The following LY86 variants were observed in gnomAD, a reference collection of about 807,000 sequenced individuals.
LY86 encodes the protein MD-1, RP105-associated.
Under a neutral mutation model 17.3 loss-of-function variants are expected in LY86, and 20 were observed. The ratio of observed to expected loss-of-function variants is 1.15; its 90% CI spans 0.81 to 1.68. LY86 has a LOEUF of 1.68. LY86 is among the 40% of genes most tolerant of loss of function. LY86 has a pLI of 0.00. For missense variants in LY86, 200 were observed against 191.9 expected, an observed-to-expected ratio of 1.04 and a Z score of -0.25; for synonymous variants, 74 against 70.6, an observed-to-expected ratio of 1.05 and a Z score of -0.24.
intron 3 of LY86, among the ~76,000 whole-genome samples, chr6:6,627,703 C>T (rs887988736): frequency 2.6e-5 from 4 of 152,144 alleles, no homozygotes; most frequent in African/African-American, 7.2e-5. Context: ...ATTGAGCATT[C>T]GTACCAGGCC....
chr6:6,590,193 A>C (rs1760484094), intron 1 of LY86, among the ~76,000 whole-genome samples: 1 of 148,742 alleles, frequency 6.7e-6, no homozygotes, highest in African/African-American at 2.5e-5. Context: ...GTCCCCCCCC[A>C]GTCTGCTAGG....
chr6:6,608,049 A>G (rs1460459766), intron 1 of LY86, among the ~76,000 whole-genome samples: 1 of 152,258 alleles, frequency 6.6e-6, no homozygotes, highest in African/African-American at 2.4e-5. Flanking sequence ...ATATAGATCT[A>G]CAGTGAACAA....
chr6:6,588,960 G>GAC (rs35589645), intron 1 of LY86, 90 bp downstream of exon 1: 1 of 1,342,628 alleles, frequency 7.4e-7, no homozygotes, highest in African/African-American at 2.8e-5. Flanking sequence ...GTTGGGGTGG[G>GAC]AGGGGAGAGG....
At chr6:6,623,368 G>A (rs1453637465) in intron 1 of LY86, among the ~76,000 whole-genome samples, 1 of 152,214 alleles carries the variant, frequency 6.6e-6, no homozygotes. Context: ...CTCAGCTGAA[G>A]CTGGGAAGGT....
intron 1 of LY86, among the ~76,000 whole-genome samples, chr6:6,618,333 C>A (rs751146011): frequency 8.5e-5 from 13 of 152,106 alleles, no homozygotes; most frequent in Non-Finnish European, 1.5e-4. Flanking sequence ...AGAAGCCAAA[C>A]TTAGGTTATT....
intron 4 of LY86, among the ~76,000 whole-genome samples, chr6:6,651,508 A>G (rs1762186550): frequency 1.3e-5 from 2 of 152,052 alleles, no homozygotes; most frequent in South Asian, 4.1e-4. Context: ...GAAAAACTAC[A>G]CCTGTCTTCA....
At chr6:6,611,703 C>G (rs574035631) in intron 1 of LY86, among the ~76,000 whole-genome samples, 2 of 152,200 alleles carry the variant, frequency 1.3e-5, no homozygotes, top group Non-Finnish European at 2.9e-5. Context: ...TGTTTGTCCC[C>G]CCTTTCTCCT....
At position 6,588,756 on chromosome 6, in the gene LY86, C is replaced by T; in HGVS notation, c.22C>T (p.Leu8Phe). ...CACCATGAAGGGTTTCACAGCCACTCTCTTCCTCTGGACTCTGATTTTTCC... is the reference window on the plus strand; with the variant it reads ...CACCATGAAGGGTTTCACAGCCACTTTCTTCCTCTGGACTCTGATTTTTCC... MKGFTAT[L>F]FLWTLIFPSC... Residue 8 changes from leucine (L) to phenylalanine (F), a missense_variant, in exon 1 of 5, where the codon CTC (leucine) becomes TTC (phenylalanine). Coordinates refer to ENST00000230568, the MANE Select transcript of LY86 (RefSeq NM_004271.4). 1.9e-6 allele frequency: 3 copies of T among 1,614,184 alleles called. No homozygotes were observed. The highest frequency in any genetic ancestry group is 2.5e-6 in the Non-Finnish European group (3 of 1,180,012).
At position 6,588,856 on chromosome 6, in the gene LY86, T is replaced by C. The variant is rs199618297; in HGVS notation, c.122T>C (p.Leu41Pro). ...VVCSDSGLEV[L>P]YQSCDPLQDF... Reference sequence around the variant, plus strand: ...TGTAGCGACAGCGGCTTGGAAGTGCTCTACCAGAGTTGCGGTAAGCCCTTG... The same window carrying C: ...TGTAGCGACAGCGGCTTGGAAGTGCCCTACCAGAGTTGCGGTAAGCCCTTG... The change falls in exon 1 of 5, where the codon CTC becomes CCC. Residue 41 changes from leucine (L) to proline (P), a missense_variant. By Grantham distance (98) the Leu-to-Pro change is moderately conservative (BLOSUM62 -3). Transcript: ENST00000230568. 1.4e-4 allele frequency: 231 copies of C among 1,614,042 alleles called. No homozygotes were observed. Among genetic ancestry groups the C allele is most frequent in the Non-Finnish European group, 1.9e-4 (220 of 1,179,954 alleles).
chr6:6,612,590 TTC>T (rs1222426807), intron 1 of LY86, among the ~76,000 whole-genome samples: 3 of 147,078 alleles, frequency 2.0e-5, no homozygotes, highest in African/African-American at 7.5e-5. Flanking sequence ...CCTGACTTTA[TTC>T]TCTTATCTGG....
chr6:6,589,857 C>T (rs947862290), intron 1 of LY86, among the ~76,000 whole-genome samples: 1 of 152,072 alleles, frequency 6.6e-6, no homozygotes, highest in East Asian at 1.9e-4. Context: ...CATGATGGCT[C>T]ACACCTGTAA....
chr6:6,612,389 T>TC (rs1386654326), intron 1 of LY86, among the ~76,000 whole-genome samples: 2 of 152,314 alleles, frequency 1.3e-5, no homozygotes, highest in East Asian at 1.9e-4. Flanking sequence ...TCATTTATTT[T>TC]CCCCCAGTGG....
intron 1 of LY86, among the ~76,000 whole-genome samples, chr6:6,622,256 C>A (rs529142771): frequency 6.6e-6 from 1 of 152,128 alleles, no homozygotes; most frequent in Non-Finnish European, 1.5e-5. Flanking sequence ...TTAGTTGATT[C>A]TTTCTATCTA....
intron 1 of LY86, among the ~76,000 whole-genome samples, chr6:6,609,826 T>C (rs1761285941): frequency 1.3e-5 from 2 of 151,736 alleles, no homozygotes; most frequent in South Asian, 4.2e-4. Context: ...CATGGATAAT[T>C]ATTGTGTGTC....
chr6:6,621,075 A>G (rs1761661941), intron 1 of LY86: 1 of 152,268 alleles, frequency 6.6e-6, no homozygotes, highest in South Asian at 2.1e-4. Flanking sequence ...CATAGAAGTC[A>G]ACAGGACAGA....
intron 1 of LY86, among the ~76,000 whole-genome samples, chr6:6,608,300 G>T (rs796843862): frequency 6.6e-6 from 1 of 152,340 alleles, no homozygotes; most frequent in African/African-American, 2.4e-5. Flanking sequence ...AATGAAAGTT[G>T]AATTAGCAAT....
chr6:6,644,794 T>A (rs1284401255), intron 3 of LY86, among the ~76,000 whole-genome samples: 1 of 152,198 alleles, frequency 6.6e-6, no homozygotes, highest in Non-Finnish European at 1.5e-5. Context: ...ACTGGGGCTC[T>A]TTTTATAGTC....
At chr6:6,588,966 A>G (rs80199076) in intron 1 of LY86, 96 bp downstream of exon 1, 8 of 1,061,920 alleles carry the variant, frequency 7.5e-6, no homozygotes, top group Admixed American at 5.4e-5. Flanking sequence ...GTGGGAGGGG[A>G]GAGGGGACCA....
chr6:6,629,539 T>C (rs1458595487), intron 3 of LY86, among the ~76,000 whole-genome samples: 1 of 152,256 alleles, frequency 6.6e-6, no homozygotes, highest in Non-Finnish European at 1.5e-5. Flanking sequence ...GTGAGAAAAC[T>C]TAATGTCCAC....
Sources: gnomAD v4.1 joint callset for allele counts (sites outside exome capture counted in the v4.1 genomes callset) on GRCh38, gnomAD v4.1.1 for gene constraint, MANE v1.5 for transcripts, NCBI Gene and HGNC (gene_info 2026-07-23, HGNC 2026-07-21) for gene names.